The following TLN2 variants were observed in gnomAD, a reference collection of about 807,000 sequenced individuals.
The protein encoded by TLN2 is talin 2.
A neutral mutation model predicts 294.7 loss-of-function variants in TLN2; 118 were observed. The observed-to-expected ratio is 0.40, with a 90% confidence interval of 0.34 to 0.47. The LOEUF (loss-of-function observed/expected upper bound fraction) is 0.47. TLN2 is among the 20% of genes least tolerant of loss of function. TLN2 has a pLI of 0.84. For synonymous variants in TLN2, 1,431 were observed against 1,304.5 expected, an observed-to-expected ratio of 1.10 and a Z score of -2.09; for missense variants, 3,083 against 3,282.2, an observed-to-expected ratio of 0.94 and a Z score of 1.48.
intron 1 of TLN2, among the ~76,000 whole-genome samples, chr15:62,498,852 C>T (rs1470728007): frequency 2.6e-5 from 4 of 151,834 alleles, no homozygotes; most frequent in Admixed American, 6.6e-5. Context: ...AGGAATTTGG[C>T]GAAACTATTA....
At chr15:62,543,482 ACG>A (rs1364097501) in intron 1 of TLN2, among the ~76,000 whole-genome samples, 1 of 151,932 alleles carries the variant, frequency 6.6e-6, no homozygotes, top group Non-Finnish European at 1.5e-5. Flanking sequence ...TCTAGGCCAG[ACG>A]CGCTGGCTCA....
chr15:62,718,179 C>G (rs975749712), intron 24 of TLN2, among the ~76,000 whole-genome samples: 3 of 152,196 alleles, frequency 2.0e-5, no homozygotes, highest in African/African-American at 7.2e-5. Flanking sequence ...CTTCTGACAC[C>G]TGGGCCTTGA....
At chr15:62,623,503 G>T (rs1567208887) in intron 3 of TLN2, among the ~76,000 whole-genome samples, 1 of 152,220 alleles carries the variant, frequency 6.6e-6, no homozygotes, top group East Asian at 1.9e-4. Flanking sequence ...TTCACTCTGT[G>T]GTTCTTATAT....
intron 54 of TLN2, among the ~76,000 whole-genome samples, chr15:62,826,993 G>A (rs940926839): frequency 1.3e-5 from 2 of 152,150 alleles, no homozygotes; most frequent in East Asian, 1.9e-4. Context: ...AAGATGACAC[G>A]GGTGGTTCTT....
chr15:62,494,886 C>A (rs1189953514), intron 1 of TLN2, among the ~76,000 whole-genome samples: 1 of 152,150 alleles, frequency 6.6e-6, no homozygotes, highest in Admixed American at 6.5e-5. Flanking sequence ...CTTGGCTCCT[C>A]CAGACCTGAT....
chr15:62,556,904 T>C (rs994202394), intron 1 of TLN2, among the ~76,000 whole-genome samples: 1 of 152,252 alleles, frequency 6.6e-6, no homozygotes, highest in Non-Finnish European at 1.5e-5. Context: ...TAAGAAAGTA[T>C]CAAATTAACT....
intron 3 of TLN2, among the ~76,000 whole-genome samples, chr15:62,620,136 G>A (rs967368152): frequency 1.3e-5 from 2 of 151,712 alleles, no homozygotes; most frequent in South Asian, 2.1e-4. Context: ...CCACCACACC[G>A]GCTATTTTTT....
intron 2 of TLN2, among the ~76,000 whole-genome samples, chr15:62,592,182 C>A (rs1248219910): frequency 6.6e-6 from 1 of 152,178 alleles, no homozygotes. Flanking sequence ...GGAAGAGCAG[C>A]AATACCTGTT....
intron 42 of TLN2, among the ~76,000 whole-genome samples, chr15:62,775,453 T>G (rs1204263255): frequency 6.6e-6 from 1 of 152,206 alleles, no homozygotes; most frequent in African/African-American, 2.4e-5. Context: ...ACCACTTTAC[T>G]TCACTCATCC....
intron 28 of TLN2, among the ~76,000 whole-genome samples, chr15:62,731,434 T>C (rs1481314259): frequency 2.6e-5 from 4 of 152,106 alleles, no homozygotes; most frequent in Non-Finnish European, 4.4e-5. Context: ...ATAGGATTAC[T>C]CTTCGCTTCT....
At position 62,725,107 on chromosome 15, in the gene TLN2, G is replaced by A; in HGVS notation, c.3255+3G>A. 2 of 1,609,080 alleles carry A rather than the reference G, an allele frequency of 1.2e-6. No homozygotes were observed. The highest frequency in any genetic ancestry group is 1.7e-6 in the Non-Finnish European group (2 of 1,177,404). ...TGAAGCCACTTCCAGGGGAAACGGT[G>A]AGCTGTTAGAGCCAGCTGGGGTGCG... On this transcript the variant is annotated splice_donor_region_variant and intron_variant, in intron 27 of 58. Coordinates refer to ENST00000636159, the MANE Select transcript of TLN2 (RefSeq NM_015059.3).
At chr15:62,810,714 A>G (rs1346667441) in intron 52 of TLN2, among the ~76,000 whole-genome samples, 3 of 152,140 alleles carry the variant, frequency 2.0e-5, no homozygotes, top group Non-Finnish European at 2.9e-5. Flanking sequence ...AGCACCAAGA[A>G]GTAGGTACAG....
intron 1 of TLN2, among the ~76,000 whole-genome samples, chr15:62,406,758 A>G (rs2033432856): frequency 6.6e-6 from 1 of 151,992 alleles, no homozygotes; most frequent in South Asian, 2.1e-4. Context: ...CCTCAGTCTG[A>G]TCTGTAAGCC....
intron 32 of TLN2, among the ~76,000 whole-genome samples, chr15:62,744,568 A>G (rs1316832420): frequency 6.6e-6 from 1 of 151,384 alleles, no homozygotes; most frequent in Non-Finnish European, 1.5e-5. Flanking sequence ...TTATTTTGAG[A>G]TGGAATTTCG....
At chr15:62,582,584 T>C (rs948394580) in intron 1 of TLN2, among the ~76,000 whole-genome samples, 1 of 152,088 alleles carries the variant, frequency 6.6e-6, no homozygotes, top group Non-Finnish European at 1.5e-5. Flanking sequence ...GACGGCATTG[T>C]AGACATGTAA....
intron 1 of TLN2, among the ~76,000 whole-genome samples, chr15:62,456,930 G>A (rs1354711796): frequency 1.3e-5 from 2 of 152,136 alleles, no homozygotes; most frequent in African/African-American, 4.8e-5. Context: ...GTGGGATGGG[G>A]GAATTCAGGG....
At chr15:62,758,580 C>T (rs991966038) in intron 37 of TLN2, 2 of 152,186 alleles carry the variant, frequency 1.3e-5, no homozygotes, top group African/African-American at 4.8e-5. Context: ...AGTTAAAGCT[C>T]GGGGTTTTTG....
chr15:62,808,646 ACT>A (rs1405207598), intron 51 of TLN2, among the ~76,000 whole-genome samples: 1 of 152,046 alleles, frequency 6.6e-6, no homozygotes, highest in African/African-American at 2.4e-5. Context: ...GCTGGAAGTG[ACT>A]CTGAGTAGCA....
chr15:62,476,425 C>T (rs2037787262), intron 1 of TLN2: 1 of 152,200 alleles, frequency 6.6e-6, no homozygotes, highest in African/African-American at 2.4e-5. Context: ...CATGAGTAAT[C>T]TTCATTTCTA....
Sources: gnomAD v4.1 joint callset for allele counts (sites outside exome capture counted in the v4.1 genomes callset) on GRCh38, gnomAD v4.1.1 for gene constraint, MANE v1.5 for transcripts, NCBI Gene and HGNC (gene_info 2026-07-23, HGNC 2026-07-21) for gene names.